The following PCDHGA10 variants were observed in gnomAD, a reference collection of about 807,000 sequenced individuals.
PCDHGA10 encodes protocadherin gamma-A10.
A neutral mutation model predicts 59.5 loss-of-function variants in PCDHGA10; 42 were observed. The observed-to-expected ratio is 0.71, with a 90% CI of 0.55 to 0.91. The LOEUF is 0.91. Ranked by LOEUF, PCDHGA10 falls within the 40% of genes least tolerant of loss-of-function variation. The pLI is 0.00. For missense variants in PCDHGA10, 1,111 were observed against 1,198.2 expected (o/e 0.93, Z 1.07); for synonymous variants, 511 against 517.2 (o/e 0.99, Z 0.16).
rs542548063 is a variant in PCDHGA10, at chr5:141,412,999, C to T, written c.-177C>T. On this transcript the variant is annotated 5_prime_UTR_variant, in exon 1 of 4. Coordinates refer to ENST00000398610, the MANE Select transcript of PCDHGA10 (RefSeq NM_018913.3). Reference sequence around the variant, plus strand: ...GCAGCCAGAGCTCAATCCGGATTCTCAGGGCTTCAACTACACAAGCCCCAC... The same window carrying T: ...GCAGCCAGAGCTCAATCCGGATTCTTAGGGCTTCAACTACACAAGCCCCAC... 150 of 588,234 alleles carry T rather than the reference C, an allele frequency of 2.6e-4. 1 individual carries two copies. In the South Asian group the frequency reaches 3.6e-3, roughly 14 times the overall value. 36.4% of individuals were successfully genotyped at this position (588,234 alleles called of 1,614,324 possible). A position where few individuals can be genotyped will look rare whatever the true frequency, so the allele number is the denominator to read the frequency against.
intron 2 of PCDHGA10, among the ~76,000 whole-genome samples, chr5:141,503,824 C>G (rs1216231770): frequency 1.3e-5 from 2 of 152,058 alleles, no homozygotes; most frequent in South Asian, 4.1e-4. Context: ...TTGGGCAAAA[C>G]CAAAAGCAGG....
At chr5:141,422,229 G>C in intron 1 of PCDHGA10, 4 of 1,565,880 alleles carry the variant, frequency 2.6e-6, no homozygotes, top group Non-Finnish European at 3.4e-6. Flanking sequence ...CCACGACGAT[G>C]TTGATCACTG....
At position 141,491,578 on chromosome 5, in the gene PCDHGA10, C is replaced by T. The variant is rs1438933474; in HGVS notation, c.2437-3229C>T. 7.4e-6 allele frequency: 12 copies of T among 1,613,888 alleles called. No homozygotes were observed. The highest frequency in any genetic ancestry group is 1.0e-5 in the Non-Finnish European group (12 of 1,180,044). On this transcript the variant is annotated intron_variant, in intron 1 of 3. Coordinates refer to ENST00000398610, the MANE Select transcript of PCDHGA10 (RefSeq NM_018913.3). This position sits in a 1 kb window ranked among gnomAD's most constrained non-coding sequence, Gnocchi z 6.9. ...CCACTGCTACAGGACGTGCTTTTCA[C>T]CGGCCTCGGACGGCAGTGACTTCAC...
intron 2 of PCDHGA10, among the ~76,000 whole-genome samples, chr5:141,503,448 C>T (rs765046868): frequency 2.0e-5 from 3 of 151,808 alleles, no homozygotes; most frequent in South Asian, 2.1e-4. Context: ...TACAAAAATT[C>T]GCTGGGCATG....
At chr5:141,424,960 C>T (rs1291822416) in intron 1 of PCDHGA10, among the ~76,000 whole-genome samples, 1 of 152,102 alleles carries the variant, frequency 6.6e-6, no homozygotes, top group African/African-American at 2.4e-5. Context: ...AGGTATTTGC[C>T]CCAAATTACT....
chr5:141,431,093 G>A lies in PCDHGA10; in HGVS notation c.2436+15482G>A. 6.2e-7 allele frequency: 1 copy of A among 1,614,250 alleles called. No individual in the cohort carries two copies. The highest frequency in any genetic ancestry group is 8.5e-7 in the Non-Finnish European group (1 of 1,180,032). On this transcript the variant is annotated intron_variant, in intron 1 of 3. Transcript: ENST00000398610. The surrounding 1 kb of genome is among the most constrained non-coding windows in gnomAD (Gnocchi z 4.8). Reference sequence around the variant, plus strand: ...ATTAAATCTAGACATTCTGATGGAGGATAAAGTGAAAATATATGGAGTAGA... The same window carrying A: ...ATTAAATCTAGACATTCTGATGGAGAATAAAGTGAAAATATATGGAGTAGA...
intron 2 of PCDHGA10, among the ~76,000 whole-genome samples, chr5:141,501,333 A>ACACACC (rs1186649373): frequency 1.5e-4 from 21 of 140,134 alleles, no homozygotes; most frequent in African/African-American, 3.4e-4. Flanking sequence ...ACACACACAC[A>ACACACC]CCCCAAACTC....
At chr5:141,483,224 G>A (rs530779494) in intron 1 of PCDHGA10, among the ~76,000 whole-genome samples, 17 of 152,242 alleles carry the variant, frequency 1.1e-4, no homozygotes, top group Middle Eastern at 3.4e-3. Flanking sequence ...AGTCACTGCA[G>A]AAATTTGAAC....
chr5:141,441,671 C>T (rs1027440120), intron 1 of PCDHGA10: 1 of 287,648 alleles, frequency 3.5e-6, no homozygotes, highest in African/African-American at 2.3e-5. Flanking sequence ...GCGCACAGTG[C>T]GCCTTCGACC....
intron 2 of PCDHGA10, among the ~76,000 whole-genome samples, chr5:141,502,170 G>A (rs1165631931): frequency 6.6e-6 from 1 of 152,128 alleles, no homozygotes; most frequent in Admixed American, 6.5e-5. Context: ...TTCAGTTGAG[G>A]AATTTAACAT....
chr5:141,415,289 C>T lies in PCDHGA10; in HGVS notation c.2114C>T (p.Ser705Phe), dbSNP rs1413039067. The change falls in exon 1 of 4, where the codon TCC (serine) becomes TTC (phenylalanine). Residue 705 changes from serine (S) to phenylalanine (F), a missense_variant. Coordinates refer to ENST00000398610, the MANE Select transcript of PCDHGA10 (RefSeq NM_018913.3). The part of the protein sequence containing the change: ...LYLVVAVAAV[S>F]CVFLAFVIVL... ...CTGGTGGTAGCGGTGGCCGCGGTCT[C>T]CTGCGTCTTCCTGGCCTTCGTCATC... The T allele has an allele frequency of 6.8e-6, 11 of 1,614,088 alleles. No homozygotes were observed. The highest frequency in any genetic ancestry group is 1.3e-5 in the African/African-American group (1 of 74,948).
intron 2 of PCDHGA10, among the ~76,000 whole-genome samples, chr5:141,500,928 G>A (rs2099803943): frequency 6.6e-6 from 1 of 151,476 alleles, no homozygotes; most frequent in African/African-American, 2.4e-5. Context: ...GGGTGCAGTG[G>A]CGCCATCTCG....
At chr5:141,475,760 C>T (rs1480762060) in intron 1 of PCDHGA10, among the ~76,000 whole-genome samples, 1 of 152,286 alleles carries the variant, frequency 6.6e-6, no homozygotes, top group Non-Finnish European at 1.5e-5. Flanking sequence ...TGCACCGATA[C>T]TGGCAAGGCG....
rs1004176028 is a variant in PCDHGA10 at position 141,477,025 on chromosome 5, G to A, written c.2437-17782G>A. On this transcript the variant is annotated intron_variant, in intron 1 of 3. Transcript: ENST00000398610. This position sits in a 1 kb window ranked among gnomAD's most constrained non-coding sequence, Gnocchi z 4.9. ...TCGCCTTAGACCTTGTAACCGGGATGCTGACAATCAAGGGTCGGCTGGACT... is the reference window on the plus strand; with the variant it reads ...TCGCCTTAGACCTTGTAACCGGGATACTGACAATCAAGGGTCGGCTGGACT... 10 of 1,614,146 alleles carry A rather than the reference G, an allele frequency of 6.2e-6. No homozygotes were observed. Among genetic ancestry groups the A allele is most frequent in the East Asian group, 2.2e-5 (1 of 44,888 alleles).
In PCDHGA10 at chr5:141,491,681, C is replaced by A; in HGVS notation, c.2437-3126C>A. The A allele has an allele frequency of 6.2e-7, 1 of 1,613,458 alleles. No individual in the cohort carries two copies. Among genetic ancestry groups the A allele is most frequent in the Non-Finnish European group, 8.5e-7 (1 of 1,179,804 alleles). ...GACGCCATCCGGTCCCGCTCTAATA[C>A]GCTGCGGGAGCGGAGCCAGGTGAGG... On this transcript the variant is annotated intron_variant, in intron 1 of 3. Coordinates refer to ENST00000398610, the MANE Select transcript of PCDHGA10 (RefSeq NM_018913.3). This position sits in a 1 kb window ranked among gnomAD's most constrained non-coding sequence, Gnocchi z 6.9.
At position 141,486,238 on chromosome 5, in the gene PCDHGA10, G is replaced by C. The variant is rs1414434705; in HGVS notation, c.2437-8569G>C. 6.2e-7 allele frequency: 1 copy of C among 1,614,058 alleles called. No homozygotes were observed. The highest frequency in any genetic ancestry group is 8.5e-7 in the Non-Finnish European group (1 of 1,180,024). On this transcript the variant is annotated intron_variant, in intron 1 of 3. Coordinates refer to ENST00000398610, the MANE Select transcript of PCDHGA10 (RefSeq NM_018913.3). This position sits in a 1 kb window ranked among gnomAD's most constrained non-coding sequence, Gnocchi z 5.0. ...CCCCTTACATCACAGTGACCTCAGA[G>C]CTTGGAACCCTCCCCGAGAGTGCAG... is the stretch of plus-strand genomic sequence containing the variant.
At chr5:141,435,719 C>T (rs890713374) in intron 1 of PCDHGA10, among the ~76,000 whole-genome samples, 6 of 152,156 alleles carry the variant, frequency 3.9e-5, no homozygotes, top group Admixed American at 3.3e-4. Context: ...ACACTGAATG[C>T]TAAAGTGTAT....
At chr5:141,443,312 C>T (rs1296976995) in intron 1 of PCDHGA10, among the ~76,000 whole-genome samples, 2 of 115,698 alleles carry the variant, frequency 1.7e-5, no homozygotes, top group Non-Finnish European at 3.3e-5. Flanking sequence ...AAAAACCCAT[C>T]TCTACAAAAA....
Position 141,418,146 on chromosome 5 carries a change from G to A in PCDHGA10, c.2436+2535G>A, listed in dbSNP as rs755513829. The A allele has an allele frequency of 1.1e-5, 18 of 1,613,970 alleles. No homozygotes were observed. In the South Asian group the frequency reaches 1.6e-4, roughly 15 times the overall value. ...GACCGAATAGACCGTGAGCAAATAT[G>A]CAAAGAGAGAAGAAGATGTGAGTTG... is the stretch of plus-strand genomic sequence containing the variant. On this transcript the variant is annotated intron_variant, in intron 1 of 3. Transcript: ENST00000398610.
Sources: gnomAD v4.1 joint callset for allele counts (sites outside exome capture counted in the v4.1 genomes callset) on GRCh38, gnomAD v4.1.1 for gene constraint, Gnocchi (gnomAD v3.1) non-coding constraint, MANE v1.5 for transcripts, NCBI Gene and HGNC (gene_info 2026-07-23, HGNC 2026-07-21) for gene names.